Variants in PCDHA12 observed in about 807,000 individuals in gnomAD.
PCDHA12 encodes the protein protocadherin alpha 12.
A neutral mutation model predicts 60.0 loss-of-function variants in PCDHA12; 44 were observed. The ratio of observed to expected loss-of-function variants is 0.73; its 90% CI spans 0.58 to 0.94. The LOEUF is 0.94. PCDHA12 is among the 40% of genes least tolerant of loss of function. The probability of loss-of-function intolerance (pLI) is 0.00; values close to 1 mark genes in which losing one functional copy is unlikely to be tolerated. For synonymous variants in PCDHA12, 569 were observed against 553.0 expected, an observed-to-expected ratio of 1.03 and a Z score of -0.40; for missense variants, 1,276 against 1,239.7, an observed-to-expected ratio of 1.03 and a Z score of -0.44.
intron 1 of PCDHA12, among the ~76,000 whole-genome samples, chr5:140,970,662 C>T (rs575204326): frequency 6.6e-6 from 1 of 152,268 alleles, no homozygotes; most frequent in South Asian, 2.1e-4. Flanking sequence ...TGTTATCTTT[C>T]CAAATAACTA....
chr5:140,891,040 C>A (rs2062916193), intron 1 of PCDHA12, among the ~76,000 whole-genome samples: 1 of 145,080 alleles, frequency 6.9e-6, no homozygotes, highest in Admixed American at 6.6e-5. Context: ...TTAGGTGTGA[C>A]CCCCACAGCA....
chr5:140,906,877 A>G (rs1361751716), intron 1 of PCDHA12, among the ~76,000 whole-genome samples: 1 of 152,122 alleles, frequency 6.6e-6, no homozygotes, highest in Non-Finnish European at 1.5e-5. Context: ...CAACACTGTA[A>G]CTTCCTTCTT....
intron 1 of PCDHA12, among the ~76,000 whole-genome samples, chr5:140,911,205 A>G (rs1554194650): frequency 6.6e-6 from 1 of 152,162 alleles, no homozygotes; most frequent in African/African-American, 2.4e-5. Flanking sequence ...TGTTGCCACT[A>G]CTGGGGATGA....
intron 1 of PCDHA12, among the ~76,000 whole-genome samples, chr5:140,937,175 C>A: frequency 6.6e-6 from 1 of 151,650 alleles, no homozygotes; most frequent in Non-Finnish European, 1.5e-5. Context: ...GTAGCTGGGA[C>A]TACAGGCGCC....
intron 1 of PCDHA12, among the ~76,000 whole-genome samples, chr5:140,965,199 T>C (rs1296377172): frequency 6.6e-6 from 1 of 152,234 alleles, no homozygotes. Context: ...AGGCAATAGA[T>C]TTCAAATTCC....
At chr5:140,951,289 T>C (rs546786558) in intron 1 of PCDHA12, among the ~76,000 whole-genome samples, 12 of 152,232 alleles carry the variant, frequency 7.9e-5, no homozygotes, top group Non-Finnish European at 1.3e-4. Context: ...TTTTGGATTA[T>C]ATCTTGATAT....
intron 1 of PCDHA12, among the ~76,000 whole-genome samples, chr5:140,947,889 A>G (rs1275614644): frequency 1.3e-5 from 2 of 151,626 alleles, no homozygotes; most frequent in Non-Finnish European, 3.0e-5. Flanking sequence ...CAATATAAAC[A>G]GAAGTGGTGA....
In PCDHA12 at chr5:140,893,407, C is replaced by T. The variant is rs782798159; in HGVS notation, c.2367+15568C>T. Among the ~76,000 whole-genome samples, 300 of 152,168 alleles carry T rather than the reference C, an allele frequency of 2.0e-3. 2 individuals are homozygous for T. The highest frequency in any genetic ancestry group is 3.7e-3 in the Non-Finnish European group (250 of 67,998). The stretch of plus-strand genomic sequence containing the variant: ...GTGGCTCATGCCTGTAATCCCAGCA[C>T]TTAGGGAGGCAGAGGCAGGAAGATC... On this transcript the variant is annotated intron_variant, in intron 1 of 3. Transcript: ENST00000398631.
At chr5:140,962,759 G>A (rs1554226222) in intron 1 of PCDHA12, among the ~76,000 whole-genome samples, 1 of 152,114 alleles carries the variant, frequency 6.6e-6, no homozygotes, top group Admixed American at 6.5e-5. Flanking sequence ...AATCCTATTC[G>A]TTTTTAACAA....
chr5:140,951,149 T>C (rs911841540), intron 1 of PCDHA12, among the ~76,000 whole-genome samples: 8 of 100,620 alleles, frequency 8.0e-5, no homozygotes, highest in African/African-American at 3.8e-4. Context: ...TCTTATTGAA[T>C]ATAGTTATAG....
rs370640529 is a variant in PCDHA12, at chr5:140,968,552, C to G, written c.2368-10397C>G. 5 of 1,614,184 alleles carry G rather than the reference C, an allele frequency of 3.1e-6. No homozygotes were observed. The East Asian group carries it at 1.1e-4, about 36-fold the overall frequency. ...GTCAGCAGCCTTCGAGATGGTGCCT[C>G]GAACTGCCCCTGCTGGCTACCTGGT... On this transcript the variant is annotated intron_variant, in intron 1 of 3. Coordinates refer to ENST00000398631, the MANE Select transcript of PCDHA12 (RefSeq NM_018903.4).
intron 3 of PCDHA12, among the ~76,000 whole-genome samples, chr5:140,998,381 G>A (rs932010146): frequency 4.6e-5 from 7 of 152,144 alleles, no homozygotes; most frequent in Non-Finnish European, 2.9e-5. Flanking sequence ...TCTCTAGAAA[G>A]TTTAATGCCA....
intron 1 of PCDHA12, among the ~76,000 whole-genome samples, chr5:140,937,875 G>GCATGGCGCCCAGGCGC (rs1467494060): frequency 1.3e-5 from 2 of 150,442 alleles, no homozygotes; most frequent in African/African-American, 4.9e-5. Context: ...TCGCGCCACT[G>GCATGGCGCCCAGGCGC]CACTCCAGCC....
chr5:140,876,674 A>T lies in PCDHA12; in HGVS notation c.1202A>T (p.Tyr401Phe), dbSNP rs782568001. The T allele has an allele frequency of 2.4e-5, 38 of 1,614,024 alleles. No individual in the cohort carries two copies. The highest frequency in any genetic ancestry group is 3.1e-5 in the Non-Finnish European group (36 of 1,180,014). Reference protein sequence around the residue: ...PHVPFKLVSTYKNYYSLVLDS... With the variant: ...PHVPFKLVSTFKNYYSLVLDS... Reference sequence around the variant, plus strand: ...GTTCCCTTCAAGCTGGTGTCCACCTACAAGAATTACTACTCGTTGGTGCTG... The same window carrying T: ...GTTCCCTTCAAGCTGGTGTCCACCTTCAAGAATTACTACTCGTTGGTGCTG... The change falls in exon 1 of 4, where the codon TAC (tyrosine) becomes TTC (phenylalanine). Residue 401 changes from tyrosine (Y) to phenylalanine (F), a missense_variant. Physicochemically the swap from Tyr to Phe is conservative, Grantham distance 22. Coordinates refer to ENST00000398631, the MANE Select transcript of PCDHA12 (RefSeq NM_018903.4).
In PCDHA12 at chr5:140,877,845, TTATTAA is replaced by T; in HGVS notation, c.2367+12_2367+17del. 3 of 1,555,618 alleles carry T rather than the reference TTATTAA, an allele frequency of 1.9e-6. No individual in the cohort carries two copies. The highest frequency in any genetic ancestry group is 2.6e-6 in the Non-Finnish European group (3 of 1,156,294). ...GTTTAAATCCTCCCAGTGAAGTAAG[TTATTAA>T]TATTATTTAGATATATTTGTTTCCT... On this transcript the variant is annotated splice_region_variant and intron_variant, in intron 1 of 3. Transcript: ENST00000398631.
chr5:140,941,214 C>CCTTCCTTTCTTTCTTT (rs1554214040), intron 1 of PCDHA12, among the ~76,000 whole-genome samples: 12 of 122,414 alleles, frequency 9.8e-5, no homozygotes, highest in Admixed American at 6.8e-4. Flanking sequence ...TTTCTTTCTT[C>CCTTCCTTTCTTTCTTT]CTTTCTTTCT....
intron 3 of PCDHA12, among the ~76,000 whole-genome samples, chr5:140,985,903 C>G (rs1554247500): frequency 6.6e-6 from 1 of 151,964 alleles, no homozygotes; most frequent in Non-Finnish European, 1.5e-5. Context: ...CCACTCCCGT[C>G]TAATTTTTTG....
intron 1 of PCDHA12, among the ~76,000 whole-genome samples, chr5:140,939,502 T>A (rs781895675): frequency 2.7e-5 from 4 of 150,818 alleles, no homozygotes; most frequent in Non-Finnish European, 5.9e-5. Flanking sequence ...AAATTCAATG[T>A]CTATAACATT....
At chr5:140,968,397 A>G in intron 1 of PCDHA12, 7 of 1,613,892 alleles carry the variant, frequency 4.3e-6, no homozygotes, top group Non-Finnish European at 5.9e-6. Context: ...AAGTTTCGGG[A>G]GTTCTTTGTG....
Sources: allele counts gnomAD v4.1 joint callset (sites outside exome capture counted in the v4.1 genomes callset), GRCh38; gene constraint gnomAD v4.1.1; transcripts MANE v1.5; gene names NCBI Gene and HGNC (gene_info 2026-07-23, HGNC 2026-07-21).